KIF26B: variants seen among roughly 807,000 people sequenced by gnomAD.
KIF26B encodes kinesin family member 26B.
KIF26B carries 63 observed loss-of-function variants against 151.2 expected under a neutral mutation model. The ratio of observed to expected loss-of-function variants is 0.42; its 90% CI spans 0.34 to 0.51. The LOEUF (loss-of-function observed/expected upper bound fraction) is 0.51, where lower values mean the gene tolerates loss of function less well. Among genes scored for constraint, KIF26B ranks in the 20% least tolerant of loss-of-function variants. The pLI, the probability that KIF26B is intolerant of heterozygous loss-of-function variation, is 0.07. For synonymous variants in KIF26B, 1,357 were observed against 1,262.1 expected (o/e 1.08, Z -1.59); for missense variants, 2,813 against 2,913.6 (o/e 0.97, Z 0.79).
At chr1:245,222,439 A>AAAAC (rs962894782) in intron 2 of KIF26B, among the ~76,000 whole-genome samples, 3 of 152,212 alleles carry the variant, frequency 2.0e-5, no homozygotes, top group Non-Finnish European at 2.9e-5. Flanking sequence ...CTCCATCTCA[A>AAAAC]AAACAAACAA....
chr1:245,440,076 C>T (rs947245227), intron 4 of KIF26B, among the ~76,000 whole-genome samples: 1 of 152,074 alleles, frequency 6.6e-6, no homozygotes, highest in Non-Finnish European at 1.5e-5. Context: ...AAAAAATTAG[C>T]CGGGCGTGGT....
At position 245,687,070 on chromosome 1, in the gene KIF26B, T is replaced by A; in HGVS notation, c.4087T>A (p.Ser1363Thr). The A allele has an allele frequency of 6.2e-7, 1 of 1,613,320 alleles. No homozygotes were observed. The change falls in exon 12 of 15, where the codon TCC becomes ACC. Residue 1363 changes from serine to threonine, a missense_variant. Transcript: ENST00000407071. The surrounding 1 kb of genome is among the most constrained non-coding windows in gnomAD (Gnocchi z 4.9). The stretch of plus-strand genomic sequence containing the variant: ...AGCCCCCATCAAAGGCTGCAAAATA[T>A]CCACAGTGAGCAAGGCCATGGTCAC... ...KAAPIKGCKI[S>T]TVSKAMVTIS...
intron 4 of KIF26B, among the ~76,000 whole-genome samples, chr1:245,448,077 A>G (rs1659287845): frequency 6.6e-6 from 1 of 152,274 alleles, no homozygotes; most frequent in African/African-American, 2.4e-5. Flanking sequence ...CTTTTGCCAT[A>G]GGAAGACACG....
At chr1:245,462,888 C>T (rs1328257873) in intron 4 of KIF26B, among the ~76,000 whole-genome samples, 1 of 151,792 alleles carries the variant, frequency 6.6e-6, no homozygotes. Context: ...ATGAATAAGA[C>T]CTGAAGAGGC....
chr1:245,561,888 T>C (rs999750528), intron 5 of KIF26B, among the ~76,000 whole-genome samples: 6 of 152,196 alleles, frequency 3.9e-5, no homozygotes, highest in African/African-American at 1.2e-4. Flanking sequence ...CTGACGTAAA[T>C]GTCAGAGGTG....
At chr1:245,335,799 AAG>A (rs1672212829) in intron 2 of KIF26B, among the ~76,000 whole-genome samples, 1 of 140,512 alleles carries the variant, frequency 7.1e-6, no homozygotes. Context: ...CAGGGAAAGG[AAG>A]GTCCCACGCA....
At chr1:245,401,096 T>A (rs1217110548) in intron 3 of KIF26B, among the ~76,000 whole-genome samples, 1 of 152,222 alleles carries the variant, frequency 6.6e-6, no homozygotes, top group East Asian at 1.9e-4. Context: ...TGTTTAATTT[T>A]AAAAATTCTA....
intron 10 of KIF26B, among the ~76,000 whole-genome samples, chr1:245,673,184 C>T (rs2044314246): frequency 1.1e-5 from 1 of 94,228 alleles, no homozygotes; most frequent in Admixed American, 1.1e-4. Context: ...CCGCTGCGCG[C>T]TGCCATCTTA....
chr1:245,268,470 AAATAATAATAATAATAATAATAATAAT>A (rs59590596), intron 2 of KIF26B, among the ~76,000 whole-genome samples: 3 of 134,750 alleles, frequency 2.2e-5, no homozygotes, highest in African/African-American at 8.3e-5. Context: ...CTCCATCTCC[AAATAATAATAATAATAATAATAATAAT>A]AATAATAATA....
At chr1:245,207,695 C>T (rs1162736655) in intron 2 of KIF26B, among the ~76,000 whole-genome samples, 1 of 152,154 alleles carries the variant, frequency 6.6e-6, no homozygotes, top group East Asian at 1.9e-4. Flanking sequence ...ACATTGAAGG[C>T]CTGAGGAACT....
At chr1:245,653,120 G>A (rs2044037581) in intron 10 of KIF26B, among the ~76,000 whole-genome samples, 1 of 152,212 alleles carries the variant, frequency 6.6e-6, no homozygotes, top group Non-Finnish European at 1.5e-5. Context: ...CACGGCCTCA[G>A]TGGAGGAGAG....
intron 3 of KIF26B, among the ~76,000 whole-genome samples, chr1:245,381,798 G>T (rs550880344): frequency 2.0e-5 from 3 of 151,810 alleles, no homozygotes; most frequent in Non-Finnish European, 4.4e-5. Context: ...ACTGCTCTAT[G>T]TACCTCATAT....
At chr1:245,505,779 T>A (rs949263440) in intron 4 of KIF26B, among the ~76,000 whole-genome samples, 1 of 152,226 alleles carries the variant, frequency 6.6e-6, no homozygotes, top group Non-Finnish European at 1.5e-5. Flanking sequence ...TTACCAAATA[T>A]AAACACTACT....
At chr1:245,351,790 T>C (rs1285579998) in intron 2 of KIF26B, among the ~76,000 whole-genome samples, 2 of 152,238 alleles carry the variant, frequency 1.3e-5, no homozygotes, top group Non-Finnish European at 2.9e-5. Context: ...GATGAGGAGC[T>C]ATTTTCTGTT....
chr1:245,275,945 T>A (rs919037934), intron 2 of KIF26B, among the ~76,000 whole-genome samples: 4 of 152,216 alleles, frequency 2.6e-5, no homozygotes, highest in Non-Finnish European at 4.4e-5. Flanking sequence ...GAATGTATTG[T>A]CTCACTTGCT....
At chr1:245,508,781 A>G (rs1415052323) in intron 4 of KIF26B, among the ~76,000 whole-genome samples, 2 of 152,216 alleles carry the variant, frequency 1.3e-5, no homozygotes. Context: ...TCCCAAATGT[A>G]TCGGTTTATC....
intron 5 of KIF26B, among the ~76,000 whole-genome samples, chr1:245,541,335 C>G (rs539871437): frequency 1.3e-5 from 2 of 152,312 alleles, no homozygotes; most frequent in East Asian, 1.9e-4. Context: ...GTGACACTTT[C>G]GAGTTTTTGC....
chr1:245,184,503 G>A (rs1327937625), intron 2 of KIF26B, among the ~76,000 whole-genome samples: 1 of 152,078 alleles, frequency 6.6e-6, no homozygotes, highest in African/African-American at 2.4e-5. Context: ...GGGGAAGCAG[G>A]TTCACTTTTA....
chr1:245,161,735 G>A lies in KIF26B; in HGVS notation c.465+5052G>A, dbSNP rs142862536. Among the ~76,000 whole-genome samples the A allele has an allele frequency of 4.6e-3, 701 of 152,206 alleles. 4 individuals are homozygous for A. The highest frequency in any genetic ancestry group is 0.016 in the African/African-American group (648 of 41,526). On this transcript the variant is annotated intron_variant, in intron 2 of 14. Transcript: ENST00000407071. ...GCTTGATGTGGTTAAGATCATAGAA[G>A]GAAGCATGAAGAAAAAATATGCAAG...
Sources: allele counts gnomAD v4.1 joint callset (sites outside exome capture counted in the v4.1 genomes callset), GRCh38; gene constraint gnomAD v4.1.1; non-coding constraint Gnocchi (gnomAD v3.1); transcripts MANE v1.5; gene names NCBI Gene and HGNC (gene_info 2026-07-23, HGNC 2026-07-21).